THSD7B: variants seen among roughly 807,000 people sequenced by gnomAD.
THSD7B encodes the protein thrombospondin type-1 domain-containing protein 7B.
THSD7B carries 138 observed loss-of-function variants against 213.6 expected under a neutral mutation model. That is an observed-to-expected ratio of 0.65 (90% CI 0.56 to 0.74). The LOEUF (loss-of-function observed/expected upper bound fraction) is 0.74, where lower values mean the gene tolerates loss of function less well. Ranked by LOEUF, THSD7B falls within the 30% of genes least tolerant of loss-of-function variation. THSD7B has a pLI of 0.00. For synonymous variants in THSD7B, 742 were observed against 687.0 expected (o/e 1.08, Z -1.25); for missense variants, 1,931 against 1,991.5 (o/e 0.97, Z 0.58).
chr2:137,586,874 T>A (rs1681741892), intron 17 of THSD7B, among the ~76,000 whole-genome samples: 1 of 152,236 alleles, frequency 6.6e-6, no homozygotes, highest in African/African-American at 2.4e-5. Context: ...TGAATTTGAA[T>A]GTTGGCCTGC....
intron 15 of THSD7B, among the ~76,000 whole-genome samples, chr2:137,453,062 A>G (rs1470189553): frequency 6.6e-6 from 1 of 152,122 alleles, no homozygotes; most frequent in African/African-American, 2.4e-5. Context: ...ACCCTGTATA[A>G]TGATCAGAAA....
chr2:137,563,161 G>A (rs1173512526), intron 15 of THSD7B, 60 bp from the exon 16 acceptor site: 1 of 1,560,496 alleles, frequency 6.4e-7, no homozygotes, highest in African/African-American at 1.4e-5. Flanking sequence ...TAAAAGATAG[G>A]CTATTTTTCT....
intron 3 of THSD7B, among the ~76,000 whole-genome samples, chr2:137,090,769 A>G (rs1028463609): frequency 6.6e-6 from 1 of 152,144 alleles, no homozygotes; most frequent in Non-Finnish European, 1.5e-5. Flanking sequence ...TTTGTTGTGG[A>G]TTTTAGTTTG....
At chr2:137,352,773 C>T (rs773238950) in intron 12 of THSD7B, among the ~76,000 whole-genome samples, 26 of 151,658 alleles carry the variant, frequency 1.7e-4, no homozygotes, top group Admixed American at 9.9e-4. Flanking sequence ...TTAAACTCTT[C>T]GTGAAAATGT....
At chr2:136,991,131 T>C (rs1229795350) in intron 2 of THSD7B, among the ~76,000 whole-genome samples, 1 of 152,228 alleles carries the variant, frequency 6.6e-6, no homozygotes, top group Non-Finnish European at 1.5e-5. Context: ...AGGCATATAA[T>C]TTAGCATTTT....
intron 2 of THSD7B, among the ~76,000 whole-genome samples, chr2:136,918,866 C>A (rs1319961312): frequency 2.0e-5 from 3 of 152,182 alleles, no homozygotes; most frequent in African/African-American, 7.2e-5. Flanking sequence ...CTTTCTCTCT[C>A]TATATCGTAC....
At chr2:137,004,296 T>TAC (rs34674642) in intron 2 of THSD7B, among the ~76,000 whole-genome samples, 14,798 of 131,318 alleles carry the variant, frequency 0.11, 931 homozygotes, top group Non-Finnish European at 0.13. Flanking sequence ...TGTGCACACG[T>TAC]ACACACACAC....
At chr2:137,104,608 A>G (rs571175881) in intron 4 of THSD7B, among the ~76,000 whole-genome samples, 2 of 152,208 alleles carry the variant, frequency 1.3e-5, no homozygotes, top group East Asian at 3.8e-4. Flanking sequence ...AAAAAAATCA[A>G]TGAATCCAAG....
intron 17 of THSD7B, among the ~76,000 whole-genome samples, chr2:137,584,191 A>G (rs1249833647): frequency 6.6e-6 from 1 of 152,010 alleles, no homozygotes; most frequent in Non-Finnish European, 1.5e-5. Context: ...TTGATTTTGT[A>G]TCCTGAGACT....
chr2:137,345,425 A>G (rs1354739316), intron 12 of THSD7B, among the ~76,000 whole-genome samples: 2 of 151,634 alleles, frequency 1.3e-5, no homozygotes, highest in African/African-American at 4.8e-5. Flanking sequence ...TGCATTTGTG[A>G]GGAGAAAAAA....
rs138306999 is a variant in THSD7B at position 137,519,855 on chromosome 2, C to A, written c.3139-43366C>A. 5.7e-3 allele frequency among the ~76,000 whole-genome samples: 866 copies of A among 152,264 alleles called. 14 individuals carry two copies. Among genetic ancestry groups the A allele is most frequent in the African/African-American group, 0.02 (831 of 41,548 alleles). ...ATAAATACTTAAAATATAAGAAAAA[C>A]AACTTTATTTGATCACTGGGGCTTT... On this transcript the variant is annotated intron_variant, in intron 15 of 27. Transcript: ENST00000409968.
chr2:137,185,596 G>A (rs911284592), intron 7 of THSD7B, among the ~76,000 whole-genome samples: 1 of 152,188 alleles, frequency 6.6e-6, no homozygotes, highest in African/African-American at 2.4e-5. Context: ...CGGCTGCATA[G>A]TATTCCATGA....
intron 12 of THSD7B, among the ~76,000 whole-genome samples, chr2:137,388,871 G>A (rs752351308): frequency 6.4e-4 from 98 of 151,982 alleles, no homozygotes; most frequent in Non-Finnish European, 1.3e-3. Context: ...TGAGTGATCA[G>A]TATTCTATTG....
intron 1 of THSD7B, among the ~76,000 whole-genome samples, chr2:136,853,022 A>ATG (rs143345210): frequency 4.6e-5 from 7 of 151,038 alleles, no homozygotes; most frequent in South Asian, 2.1e-4. Context: ...ACCACTTTGC[A>ATG]TGTGTGTGTG....
intron 12 of THSD7B, among the ~76,000 whole-genome samples, chr2:137,344,423 A>G (rs1684829901): frequency 6.6e-6 from 1 of 151,804 alleles, no homozygotes; most frequent in African/African-American, 2.4e-5. Flanking sequence ...CCACATTTAC[A>G]GATGTGTTTG....
At chr2:137,174,500 G>A (rs1680321938) in intron 7 of THSD7B, among the ~76,000 whole-genome samples, 1 of 152,128 alleles carries the variant, frequency 6.6e-6, no homozygotes. Context: ...TTAAGAATGT[G>A]GTCTACTTTG....
intron 3 of THSD7B, among the ~76,000 whole-genome samples, chr2:137,076,390 A>G (rs1032049642): frequency 1.3e-5 from 2 of 152,224 alleles, no homozygotes; most frequent in African/African-American, 4.8e-5. Flanking sequence ...CCTCCGAGCC[A>G]TGTGAGGGAT....
At position 137,231,135 on chromosome 2, in the gene THSD7B, C is replaced by G. The variant is rs143921844; in HGVS notation, c.1815C>G (p.Ser605Arg). The G allele has an allele frequency of 9.3e-6, 15 of 1,613,602 alleles. No individual in the cohort carries two copies. Among genetic ancestry groups the G allele is most frequent in the African/African-American group, 2.7e-5 (2 of 74,864 alleles). The change falls in exon 8 of 28, where the codon AGC (serine) becomes AGG (arginine). Residue 605 changes from serine (S) to arginine (R), a missense_variant. By Grantham distance (110) the Ser-to-Arg change is moderately radical. Transcript: ENST00000409968. ...EIPCRMDCVL[S>R]EWTEWSSCSQ... Reference sequence around the variant, plus strand: ...CCTGCCGAATGGACTGTGTGCTGAGCGAGTGGACGGAGTGGTCATCCTGTT... The same window carrying G: ...CCTGCCGAATGGACTGTGTGCTGAGGGAGTGGACGGAGTGGTCATCCTGTT...
At chr2:136,899,952 G>T (rs575921308) in intron 2 of THSD7B, among the ~76,000 whole-genome samples, 4 of 152,212 alleles carry the variant, frequency 2.6e-5, no homozygotes, top group African/African-American at 7.2e-5. Flanking sequence ...TTTCAAATTA[G>T]AACTTAATAA....
Sources: allele counts gnomAD v4.1 joint callset (sites outside exome capture counted in the v4.1 genomes callset), GRCh38; gene constraint gnomAD v4.1.1; transcripts MANE v1.5; gene names NCBI Gene and HGNC (gene_info 2026-07-23, HGNC 2026-07-21).